DLGAP2: variants seen among roughly 807,000 people sequenced by gnomAD.
The protein encoded by DLGAP2 is DLG associated protein 2, also known as disks large-associated protein 2.
DLGAP2 carries 26 observed loss-of-function variants against 100.3 expected under a neutral mutation model. That is an observed-to-expected ratio of 0.26 (90% CI 0.19 to 0.36). DLGAP2 has a LOEUF of 0.36. DLGAP2 is among the 10% of genes least tolerant of loss of function. The pLI, the probability that DLGAP2 is intolerant of heterozygous loss-of-function variation, is 1.00. For missense variants in DLGAP2, 1,858 were observed against 1,453.2 expected (o/e 1.28, Z -4.53); for synonymous variants, 886 against 630.1 (o/e 1.41, Z -6.08).
intron 1 of DLGAP2, among the ~76,000 whole-genome samples, chr8:779,183 C>G (rs1821617297): frequency 6.6e-6 from 1 of 152,250 alleles, no homozygotes; most frequent in Admixed American, 6.5e-5. Context: ...GAGGCAATGC[C>G]TCGCCCTGCT....
chr8:1,418,888 A>G (rs1403449970), intron 3 of DLGAP2, among the ~76,000 whole-genome samples: 1 of 152,230 alleles, frequency 6.6e-6, no homozygotes, highest in Non-Finnish European at 1.5e-5. Flanking sequence ...ATGGGTTCCC[A>G]TGGCTCTACC....
rs531393574 is a variant in DLGAP2 at position 1,439,065 on chromosome 8, A to G, written c.107-62301A>G. On this transcript the variant is annotated intron_variant, in intron 3 of 14. Transcript: ENST00000637795. ...TTCAGTGTAGAGTCAGACGAGTGTAAATGGGAGAGGAGAGAACGCACATGC... is the reference window on the plus strand; with the variant it reads ...TTCAGTGTAGAGTCAGACGAGTGTAGATGGGAGAGGAGAGAACGCACATGC... Among the ~76,000 whole-genome samples the G allele has an allele frequency of 1.4e-3, 218 of 152,254 alleles. 1 individual carries two copies. Among genetic ancestry groups the G allele is most frequent in the African/African-American group, 5.0e-3 (208 of 41,536 alleles).
At chr8:824,628 C>T (rs927605409) in intron 1 of DLGAP2, among the ~76,000 whole-genome samples, 2 of 151,962 alleles carry the variant, frequency 1.3e-5, no homozygotes, top group Non-Finnish European at 1.5e-5. Flanking sequence ...GTGAAGATGA[C>T]TGCTGACCTC....
At chr8:1,318,711 G>A (rs1173400152) in intron 3 of DLGAP2, among the ~76,000 whole-genome samples, 1 of 151,668 alleles carries the variant, frequency 6.6e-6, no homozygotes, top group Non-Finnish European at 1.5e-5. Flanking sequence ...TGAAAATTGA[G>A]TGGTTCCTAT....
chr8:1,489,500 A>C (rs1799317158), intron 3 of DLGAP2, among the ~76,000 whole-genome samples: 1 of 152,234 alleles, frequency 6.6e-6, no homozygotes, highest in South Asian at 2.1e-4. Flanking sequence ...TTTTCATTCC[A>C]GGCCATCTCA....
intron 1 of DLGAP2, among the ~76,000 whole-genome samples, chr8:839,499 A>C (rs1330412379): frequency 6.6e-6 from 1 of 152,200 alleles, no homozygotes; most frequent in South Asian, 2.1e-4. Context: ...ACCTGTGCTC[A>C]CTTATATGTG....
intron 3 of DLGAP2, among the ~76,000 whole-genome samples, chr8:1,464,666 G>T (rs1350118613): frequency 1.3e-5 from 2 of 152,174 alleles, no homozygotes; most frequent in African/African-American, 4.8e-5. Flanking sequence ...ACAGGGCCAG[G>T]AAGAGCTGTC....
In DLGAP2 at chr8:1,089,111, G is replaced by A. The variant is rs538629031; in HGVS notation, c.74-169740G>A. The stretch of plus-strand genomic sequence containing the variant: ...CAGGCTATGCAATTCTTGCTCCCCG[G>A]CCTCACTCTCTCCACCCCTCATCCA... On this transcript the variant is annotated intron_variant, in intron 2 of 14. Transcript: ENST00000637795. Among the ~76,000 whole-genome samples, 6 of 123,932 alleles carry A rather than the reference G, an allele frequency of 4.8e-5. No individual in the cohort carries two copies. The South Asian group carries it at 1.7e-3, about 35-fold the overall frequency. The allele number at this position is 123,932 out of a possible 152,430, so 81.3% of individuals were successfully genotyped here.
intron 4 of DLGAP2, among the ~76,000 whole-genome samples, chr8:1,502,124 C>T (rs1799742526): frequency 6.6e-6 from 1 of 152,100 alleles, no homozygotes; most frequent in Admixed American, 6.6e-5. Context: ...GACGGAAGCC[C>T]CATCAGTGGC....
intron 2 of DLGAP2, among the ~76,000 whole-genome samples, chr8:1,073,735 C>T (rs1039842429): frequency 5.3e-5 from 8 of 152,208 alleles, no homozygotes; most frequent in African/African-American, 7.2e-5. Context: ...TTCCCATGCA[C>T]GGCTCCCATG....
Position 761,609 on chromosome 8 carries a change from A to T in DLGAP2, c.18+23784A>T, listed in dbSNP as rs865787455. On this transcript the variant is annotated intron_variant, in intron 1 of 14. Transcript: ENST00000637795. ...GATGGGCACTGGGTCCCCTCCATGC[A>T]CCCTTAGGGAACATCTTCTTTCATG... 2.8e-4 allele frequency among the ~76,000 whole-genome samples: 42 copies of T among 152,270 alleles called. No individual in the cohort carries two copies. The Middle Eastern group carries it at 0.02, about 74-fold the overall frequency.
At chr8:1,335,170 C>T (rs558669656) in intron 3 of DLGAP2, among the ~76,000 whole-genome samples, 3 of 152,096 alleles carry the variant, frequency 2.0e-5, no homozygotes, top group Non-Finnish European at 2.9e-5. Flanking sequence ...TTCTTGGGAG[C>T]GACAAAGCAG....
At chr8:1,494,509 T>A (rs113496161) in intron 3 of DLGAP2, among the ~76,000 whole-genome samples, 65 of 152,220 alleles carry the variant, frequency 4.3e-4, no homozygotes, top group African/African-American at 1.4e-3. Context: ...GGTGGGTGGA[T>A]CACGAGGTCA....
intron 6 of DLGAP2, among the ~76,000 whole-genome samples, chr8:1,574,339 C>G (rs1364150571): frequency 6.6e-6 from 1 of 152,132 alleles, no homozygotes; most frequent in Non-Finnish European, 1.5e-5. Flanking sequence ...CCAAGAACAA[C>G]AGCCATCCCA....
At chr8:1,067,847 G>T (rs1376107977) in intron 2 of DLGAP2, among the ~76,000 whole-genome samples, 2 of 151,862 alleles carry the variant, frequency 1.3e-5, no homozygotes, top group African/African-American at 4.8e-5. Context: ...CTCACTCTTG[G>T]CATTGTCACT....
chr8:912,023 A>G (rs1234096949), intron 2 of DLGAP2, among the ~76,000 whole-genome samples: 1 of 152,226 alleles, frequency 6.6e-6, no homozygotes, highest in East Asian at 1.9e-4. Context: ...TTTAGGCTGC[A>G]CAATTGGCGG....
At chr8:1,163,302 G>C (rs1349821176) in intron 2 of DLGAP2, among the ~76,000 whole-genome samples, 1 of 152,208 alleles carries the variant, frequency 6.6e-6, no homozygotes, top group East Asian at 1.9e-4. Flanking sequence ...GGGACCACGC[G>C]GGCTGTGCCG....
intron 3 of DLGAP2, among the ~76,000 whole-genome samples, chr8:1,421,253 A>G (rs867537742): frequency 3.9e-5 from 6 of 152,348 alleles, no homozygotes; most frequent in Middle Eastern, 3.4e-3. Context: ...ATCTGTGAAC[A>G]CAGCCTGTCC....
intron 2 of DLGAP2, among the ~76,000 whole-genome samples, chr8:987,946 C>G (rs746493442): frequency 6.6e-6 from 1 of 152,156 alleles, no homozygotes. Flanking sequence ...TTAAGGAGAT[C>G]AGTGCTTCTC....
Sources: gnomAD v4.1 joint callset for allele counts (sites outside exome capture counted in the v4.1 genomes callset) on GRCh38, gnomAD v4.1.1 for gene constraint, MANE v1.5 for transcripts, NCBI Gene and HGNC (gene_info 2026-07-23, HGNC 2026-07-21) for gene names.